RAPGEF6: variants seen among roughly 807,000 people sequenced by gnomAD.
The protein encoded by RAPGEF6 is Rap guanine nucleotide exchange factor 6, also known as PDZ domain containing guanine nucleotide exchange factor (GEF) 2.
In RAPGEF6, 56 loss-of-function variants were observed where a neutral mutation model predicts 171.4. The observed-to-expected ratio is 0.33, with a 90% CI of 0.26 to 0.41. The LOEUF is 0.41. Among genes scored for constraint, RAPGEF6 ranks in the 10% least tolerant of loss-of-function variants. The pLI is 1.00. For synonymous variants in RAPGEF6, 692 were observed against 650.1 expected, an observed-to-expected ratio of 1.06 and a Z score of -0.98; for missense variants, 1,674 against 1,921.4, an observed-to-expected ratio of 0.87 and a Z score of 2.41.
Position 131,429,122 on chromosome 5 carries a change from C to G in RAPGEF6, c.4560G>C (p.Lys1520Asn). 1 of 1,614,088 alleles carries G rather than the reference C, an allele frequency of 6.2e-7. No individual in the cohort carries two copies. The highest frequency in any genetic ancestry group is 8.5e-7 in the Non-Finnish European group (1 of 1,179,960). The change falls in exon 27 of 28, where the codon AAG becomes AAC. Residue 1520 changes from lysine (K) to asparagine (N), a missense_variant. Around this residue, in one of 3 missense-constraint regions of RAPGEF6, gnomAD observed 552 missense variants for 574.2 expected, o/e 0.96. Transcript: ENST00000509018. Reference protein sequence around the residue: ...GYLGISLADLKEGPHTHLKPP... With the variant: ...GYLGISLADLNEGPHTHLKPP... ...GTTTTAGGTGTGTGTGGGGTCCTTC[C>G]TTTAGGTCCGCTAAAGAAATCCCCA...
At chr5:131,495,527 A>G in intron 13 of RAPGEF6, 26 bp downstream of exon 13, 1 of 1,589,110 alleles carries the variant, frequency 6.3e-7, no homozygotes, top group Non-Finnish European at 8.6e-7. Context: ...TACACTCTGA[A>G]GAATAGAAAT....
intron 2 of RAPGEF6, among the ~76,000 whole-genome samples, chr5:131,604,325 A>G (rs1764420672): frequency 6.6e-6 from 1 of 152,186 alleles, no homozygotes; most frequent in Admixed American, 6.5e-5. Flanking sequence ...AGATACTATC[A>G]TTACCCCTAT....
chr5:131,528,323 A>ATTTATATATTT (rs879860700), intron 6 of RAPGEF6, among the ~76,000 whole-genome samples: 5 of 109,380 alleles, frequency 4.6e-5, no homozygotes, highest in Non-Finnish European at 6.7e-5. Flanking sequence ...TTATATATAT[A>ATTTATATATTT]TATATATATA....
chr5:131,585,022 C>A (rs1412869892), intron 4 of RAPGEF6, among the ~76,000 whole-genome samples: 1 of 152,042 alleles, frequency 6.6e-6, no homozygotes, highest in Non-Finnish European at 1.5e-5. Context: ...AAACAGAAAG[C>A]AATGGCCAAT....
chr5:131,449,209 A>C (rs903679959), intron 21 of RAPGEF6, among the ~76,000 whole-genome samples: 6 of 152,208 alleles, frequency 3.9e-5, no homozygotes, highest in African/African-American at 1.4e-4. Flanking sequence ...AAGATCTTTA[A>C]CATTCTATGA....
chr5:131,606,491 T>A (rs1323918905), intron 1 of RAPGEF6, among the ~76,000 whole-genome samples: 1 of 152,124 alleles, frequency 6.6e-6, no homozygotes, highest in South Asian at 2.1e-4. Context: ...GAAAAAGATA[T>A]TTAAGTATAT....
In RAPGEF6 at chr5:131,464,175, A is replaced by G; in HGVS notation, c.2346T>C (p.His782=). ...TAKEVVFHAV[H]EFGLTGASDT... is the part of the protein sequence containing the mutation. Reference sequence around the variant, plus strand: ...CGGATGCACCGGTCAAACCAAATTCATGAACAGCATGAAAAACTACTTCTT... The same window carrying G: ...CGGATGCACCGGTCAAACCAAATTCGTGAACAGCATGAAAAACTACTTCTT... Residue 782 remains histidine (H), a synonymous_variant, in exon 18 of 28, where the codon CAT becomes CAC. Coordinates refer to ENST00000509018, the MANE Select transcript of RAPGEF6 (RefSeq NM_016340.6). 1 of 1,614,012 alleles carries G rather than the reference A, an allele frequency of 6.2e-7. No individual in the cohort carries two copies. Among genetic ancestry groups the G allele is most frequent in the Non-Finnish European group, 8.5e-7 (1 of 1,179,908 alleles).
At chr5:131,461,217 T>C (rs1395868967) in intron 19 of RAPGEF6, among the ~76,000 whole-genome samples, 2 of 152,210 alleles carry the variant, frequency 1.3e-5, no homozygotes, top group Admixed American at 6.5e-5. Flanking sequence ...GAACCTCATG[T>C]AGTGCCTGGC....
chr5:131,431,250 A>G lies in RAPGEF6; in HGVS notation c.4074T>C (p.Ala1358=), dbSNP rs1751684230. The G allele has an allele frequency of 6.2e-7, 1 of 1,614,236 alleles. No individual in the cohort carries two copies. Among genetic ancestry groups the G allele is most frequent in the Non-Finnish European group, 8.5e-7 (1 of 1,180,044 alleles). Residue 1358 remains alanine, a synonymous_variant, in exon 26 of 28, where the codon GCT becomes GCC. Transcript: ENST00000509018. ...ISQEHIIIEA[A]DSGRGSWTSC... is the part of the protein sequence containing the mutation. ...AAGTCCAACTTCCACGACCACTGTC[A>G]GCTGCTTCTATAATGATATGCTCTT...
chr5:131,501,546 T>A (rs1757029223), intron 11 of RAPGEF6, among the ~76,000 whole-genome samples: 1 of 151,988 alleles, frequency 6.6e-6, no homozygotes, highest in Admixed American at 6.6e-5. Flanking sequence ...TTCAAGTATT[T>A]TTGATGTTCT....
Position 131,592,480 on chromosome 5 carries a change from T to A in RAPGEF6, c.198-14A>T. 1 of 1,609,490 alleles carries A rather than the reference T, an allele frequency of 6.2e-7. No homozygotes were observed. Among genetic ancestry groups the A allele is most frequent in the South Asian group, 1.1e-5 (1 of 90,320 alleles). On this transcript the variant is annotated splice_polypyrimidine_tract_variant and intron_variant, in intron 3 of 27. Transcript: ENST00000509018. ...ATCGTTTCTGAACTGTTTAAATAAA[T>A]AAGTAAATAAATGAGCAAAACAACA...
At chr5:131,506,934 A>C (rs986366343) in intron 9 of RAPGEF6, among the ~76,000 whole-genome samples, 5 of 151,674 alleles carry the variant, frequency 3.3e-5, no homozygotes, top group Admixed American at 6.6e-5. Flanking sequence ...TTGTTCATCA[A>C]ACTTTTGGGG....
At chr5:131,566,035 T>C (rs1761907701) in intron 4 of RAPGEF6, among the ~76,000 whole-genome samples, 1 of 151,918 alleles carries the variant, frequency 6.6e-6, no homozygotes. Flanking sequence ...TAGTCCCAGT[T>C]ACTCGGAAGG....
At chr5:131,558,897 G>T (rs564228261) in intron 5 of RAPGEF6, among the ~76,000 whole-genome samples, 4 of 152,252 alleles carry the variant, frequency 2.6e-5, no homozygotes, top group African/African-American at 9.6e-5. Flanking sequence ...CACTTGAAAA[G>T]TAGGCGTACT....
intron 4 of RAPGEF6, among the ~76,000 whole-genome samples, chr5:131,577,700 G>A (rs1422471788): frequency 6.6e-6 from 1 of 152,156 alleles, no homozygotes; most frequent in Non-Finnish European, 1.5e-5. Flanking sequence ...TCCGCCTGCA[G>A]GACCCTCCCC....
intron 15 of RAPGEF6, among the ~76,000 whole-genome samples, chr5:131,480,728 C>T (rs1188341209): frequency 6.6e-6 from 1 of 152,162 alleles, no homozygotes; most frequent in Non-Finnish European, 1.5e-5. Flanking sequence ...ATTCGCCCAC[C>T]TCGGCCTCCC....
At chr5:131,601,924 A>C (rs1323499151) in intron 3 of RAPGEF6, among the ~76,000 whole-genome samples, 2 of 151,786 alleles carry the variant, frequency 1.3e-5, no homozygotes, top group Non-Finnish European at 1.5e-5. Flanking sequence ...AGTCCCAGCT[A>C]CTCAGGAGGC....
intron 6 of RAPGEF6, among the ~76,000 whole-genome samples, chr5:131,546,726 G>C (rs1485225129): frequency 1.3e-5 from 2 of 152,064 alleles, no homozygotes; most frequent in Non-Finnish European, 2.9e-5. Flanking sequence ...GGAATAATGG[G>C]AAAAACATTT....
At chr5:131,446,376 T>C in intron 22 of RAPGEF6, 107 bp downstream of exon 22, 2 of 1,068,100 alleles carry the variant, frequency 1.9e-6, no homozygotes, top group Non-Finnish European at 2.7e-6. Flanking sequence ...CCAGCAATCT[T>C]TTGTGAGTGA....
Sources: gnomAD v4.1 joint callset for allele counts (sites outside exome capture counted in the v4.1 genomes callset) on GRCh38, gnomAD v4.1.1 for gene constraint, gnomAD v4.1.1 regional missense constraint, MANE v1.5 for transcripts, NCBI Gene and HGNC (gene_info 2026-07-23, HGNC 2026-07-21) for gene names.